The following CHCHD6 variants were observed in gnomAD, a reference collection of about 807,000 sequenced individuals.
The protein encoded by CHCHD6 is MICOS complex subunit MIC25.
In CHCHD6, 28 loss-of-function variants were observed where a neutral mutation model predicts 32.3. The observed-to-expected ratio is 0.87, with a 90% CI of 0.64 to 1.19. CHCHD6 has a LOEUF of 1.19. Ranked by LOEUF, CHCHD6 falls within the 50% of genes most tolerant of loss-of-function variation. CHCHD6 has a pLI of 0.00. For missense variants in CHCHD6, 333 were observed against 307.0 expected (o/e 1.08, Z -0.63); for synonymous variants, 122 against 117.5 (o/e 1.04, Z -0.25).
chr3:126,727,279 C>T, intron 2 of CHCHD6, 93 bp downstream of exon 2: 1 of 829,610 alleles, frequency 1.2e-6, no homozygotes. Context: ...GCACAGGGCT[C>T]AGGTTGGCTT....
intron 4 of CHCHD6, among the ~76,000 whole-genome samples, chr3:126,814,553 T>G (rs1374275513): frequency 6.6e-6 from 1 of 152,232 alleles, no homozygotes; most frequent in African/African-American, 2.4e-5. Flanking sequence ...CAATCATGCC[T>G]ATGAAATGAT....
intron 4 of CHCHD6, among the ~76,000 whole-genome samples, chr3:126,793,382 C>T (rs989637459): frequency 4.6e-5 from 7 of 151,986 alleles, no homozygotes; most frequent in African/African-American, 1.7e-4. Flanking sequence ...GAAATATTCT[C>T]TTTGCTTTGC....
At chr3:126,745,704 T>G (rs1282443828) in intron 4 of CHCHD6, among the ~76,000 whole-genome samples, 5 of 152,154 alleles carry the variant, frequency 3.3e-5, no homozygotes, top group African/African-American at 1.2e-4. Flanking sequence ...AGTACACCCC[T>G]CCCCACCAGG....
intron 5 of CHCHD6, among the ~76,000 whole-genome samples, chr3:126,890,104 AC>A (rs1389168810): frequency 1.3e-5 from 2 of 152,234 alleles, no homozygotes; most frequent in Non-Finnish European, 2.9e-5. Context: ...GCTCCAGCTC[AC>A]TGTCGGGGCC....
intron 4 of CHCHD6, among the ~76,000 whole-genome samples, chr3:126,776,537 G>A (rs550400296): frequency 2.0e-5 from 3 of 152,300 alleles, no homozygotes; most frequent in East Asian, 3.9e-4. Context: ...GATCGATTCT[G>A]AATTCCTAAG....
At position 126,733,196 on chromosome 3, in the gene CHCHD6, C is replaced by A; in HGVS notation, c.385C>A (p.His129Asn). The change falls in exon 4 of 8, where the codon CAT (histidine) becomes AAT (asparagine). Residue 129 changes from histidine to asparagine, a missense_variant. By Grantham distance (68) the His-to-Asn change is moderately conservative. Transcript: ENST00000290913. The part of the protein sequence containing the change: ...SLPTGEGSIS[H>N]EEQKSVRLAR... ...GCCCACGGGCGAAGGCAGCATCAGC[C>A]ATGAGGAGCAGAAGTCAGTCCGGCT... 1 of 1,614,116 alleles carries A rather than the reference C, an allele frequency of 6.2e-7. No homozygotes were observed. Among genetic ancestry groups the A allele is most frequent in the Non-Finnish European group, 8.5e-7 (1 of 1,179,994 alleles).
chr3:126,769,697 G>A (rs1409244871), intron 4 of CHCHD6, among the ~76,000 whole-genome samples: 2 of 152,028 alleles, frequency 1.3e-5, no homozygotes, highest in African/African-American at 4.8e-5. Flanking sequence ...GTAGAGATGG[G>A]GTTTTGCCAT....
chr3:126,732,193 T>TATACAAAGTGAA (rs1935838971), intron 3 of CHCHD6, among the ~76,000 whole-genome samples: 1 of 152,072 alleles, frequency 6.6e-6, no homozygotes, highest in African/African-American at 2.4e-5. Flanking sequence ...ATGAAAGATT[T>TATACAAAGTGAA]AGAAAATATA....
intron 4 of CHCHD6, among the ~76,000 whole-genome samples, chr3:126,761,913 C>T (rs1426256967): frequency 6.6e-6 from 1 of 152,152 alleles, no homozygotes; most frequent in East Asian, 1.9e-4. Context: ...TCTTTTTCGT[C>T]CAGGTTATCC....
At chr3:126,711,781 C>T (rs563457633) in intron 1 of CHCHD6, among the ~76,000 whole-genome samples, 3 of 152,284 alleles carry the variant, frequency 2.0e-5, no homozygotes, top group Admixed American at 6.5e-5. Context: ...TGATGGAGCC[C>T]GCATCAGGAA....
At chr3:126,714,514 T>C (rs943620710) in intron 1 of CHCHD6, among the ~76,000 whole-genome samples, 2 of 152,110 alleles carry the variant, frequency 1.3e-5, no homozygotes, top group Non-Finnish European at 1.5e-5. Context: ...GTGATCTTCT[T>C]CGGATCACGG....
intron 5 of CHCHD6, among the ~76,000 whole-genome samples, chr3:126,868,809 C>G (rs1198983086): frequency 1.3e-5 from 2 of 152,214 alleles, no homozygotes; most frequent in African/African-American, 2.4e-5. Context: ...ATTACTTTGA[C>G]AAACTTTCTA....
chr3:126,898,523 GTTAGTTTAGT>G (rs1553754463), intron 5 of CHCHD6, among the ~76,000 whole-genome samples: 2 of 152,066 alleles, frequency 1.3e-5, no homozygotes, highest in Non-Finnish European at 1.5e-5. Flanking sequence ...TATTTAGTTA[GTTAGTTTAGT>G]TTAGTTTAGT....
intron 4 of CHCHD6, among the ~76,000 whole-genome samples, chr3:126,748,899 A>T (rs1936613811): frequency 6.6e-6 from 1 of 152,212 alleles, no homozygotes; most frequent in African/African-American, 2.4e-5. Flanking sequence ...CAGATGTCAA[A>T]CAAGTAACTA....
chr3:126,867,012 C>T (rs1942311227), intron 5 of CHCHD6, among the ~76,000 whole-genome samples: 1 of 152,170 alleles, frequency 6.6e-6, no homozygotes, highest in Non-Finnish European at 1.5e-5. Flanking sequence ...GCAGTGAGTT[C>T]TTAGGCATTA....
At chr3:126,743,658 T>C (rs1936375213) in intron 4 of CHCHD6, among the ~76,000 whole-genome samples, 1 of 152,128 alleles carries the variant, frequency 6.6e-6, no homozygotes, top group African/African-American at 2.4e-5. Context: ...CTAGGCTCCT[T>C]GGCCTCTGAG....
At chr3:126,846,543 T>C (rs1057330265) in intron 4 of CHCHD6, among the ~76,000 whole-genome samples, 3 of 152,156 alleles carry the variant, frequency 2.0e-5, no homozygotes, top group African/African-American at 7.2e-5. Context: ...AAAGAAAAGA[T>C]TTTGGAAATA....
At chr3:126,960,141 T>G in intron 7 of CHCHD6, 55 bp from the exon 8 acceptor site, 1 of 1,550,788 alleles carries the variant, frequency 6.4e-7, no homozygotes. Flanking sequence ...TGCACGGAGC[T>G]GGAGGGCATG....
At chr3:126,713,819 A>G (rs1934873930) in intron 1 of CHCHD6, among the ~76,000 whole-genome samples, 1 of 152,152 alleles carries the variant, frequency 6.6e-6, no homozygotes, top group Non-Finnish European at 1.5e-5. Context: ...AAACTTAATG[A>G]TATTAATTGA....
Sources: gnomAD v4.1 joint callset for allele counts (sites outside exome capture counted in the v4.1 genomes callset) on GRCh38, gnomAD v4.1.1 for gene constraint, MANE v1.5 for transcripts, NCBI Gene and HGNC (gene_info 2026-07-23, HGNC 2026-07-21) for gene names.